UBE2R2: variants seen among roughly 807,000 people sequenced by gnomAD.
UBE2R2 encodes ubiquitin conjugating enzyme E2 R2.
In UBE2R2, 1 loss-of-function variant was observed where a neutral mutation model predicts 27.8. The ratio of observed to expected loss-of-function variants is 0.04; its 90% CI spans 0.01 to 0.17. The LOEUF (loss-of-function observed/expected upper bound fraction) is 0.17, where lower values mean the gene tolerates loss of function less well. UBE2R2 is among the 10% of genes least tolerant of loss of function. The probability of loss-of-function intolerance (pLI) is 1.00; values close to 1 mark genes in which losing one functional copy is unlikely to be tolerated. For missense variants in UBE2R2, 100 were observed against 291.0 expected, an observed-to-expected ratio of 0.34 and a Z score of 4.78; for synonymous variants, 106 against 113.3, an observed-to-expected ratio of 0.94 and a Z score of 0.41.
rs148667867 is a variant in UBE2R2 at position 33,918,923 on chromosome 9, A to T, written c.*1686A>T. 6.5e-6 allele frequency: 1 copy of T among 153,132 alleles called. No individual in the cohort carries two copies. Among genetic ancestry groups the T allele is most frequent in the African/African-American group, 2.4e-5 (1 of 41,424 alleles). The allele number at this position is 153,132 out of a possible 1,614,324, so 9.5% of individuals were successfully genotyped here. On this transcript the variant is annotated 3_prime_UTR_variant, in exon 5 of 5. Transcript: ENST00000263228. ...TTTCACTCTTCAAACTCCCAAACAC[A>T]TGACTTCTTCCCAGCAGCCCTTCCC...
At chr9:33,888,201 G>A (rs1821905239) in intron 2 of UBE2R2, among the ~76,000 whole-genome samples, 1 of 152,158 alleles carries the variant, frequency 6.6e-6, no homozygotes, top group Non-Finnish European at 1.5e-5. Flanking sequence ...AGTTACGAGT[G>A]TAGTAGTCTA....
At chr9:33,864,028 G>A (rs1587453919) in intron 1 of UBE2R2, among the ~76,000 whole-genome samples, 1 of 151,978 alleles carries the variant, frequency 6.6e-6, no homozygotes, top group East Asian at 1.9e-4. Context: ...TCACCATGTT[G>A]GCCAGGCTGG....
intron 4 of UBE2R2, 41 bp from the exon 5 acceptor site, chr9:33,916,971 TAAAAAA>T (rs1341972149): frequency 6.2e-7 from 1 of 1,601,808 alleles, no homozygotes; most frequent in South Asian, 1.1e-5. Context: ...AAATCTGTCT[TAAAAAA>T]AGACTTACCG....
intron 1 of UBE2R2, among the ~76,000 whole-genome samples, chr9:33,868,834 C>G (rs1039907338): frequency 6.6e-6 from 1 of 152,198 alleles, no homozygotes; most frequent in Admixed American, 6.5e-5. Context: ...CCAAATACAA[C>G]AGTAACCACT....
At position 33,917,329 on chromosome 9, in the gene UBE2R2, C is replaced by G; in HGVS notation, c.*92C>G. ...CCTGGCCATGGCCCCTCAGCAAAAA[C>G]CTATTCACAGCGGGTGGGGAAACAC... On this transcript the variant is annotated 3_prime_UTR_variant, in exon 5 of 5. Transcript: ENST00000263228. The G allele has an allele frequency of 1.3e-6, 2 of 1,561,126 alleles. No individual in the cohort carries two copies. The highest frequency in any genetic ancestry group is 1.8e-5 in the Admixed American group (1 of 56,240).
chr9:33,861,847 C>CTTTTTTTT (rs775634986), intron 1 of UBE2R2, among the ~76,000 whole-genome samples: 1 of 95,452 alleles, frequency 1.0e-5, no homozygotes, highest in African/African-American at 3.9e-5. Flanking sequence ...GATCCACTTT[C>CTTTTTTTT]TTTTTTTTTT....
At chr9:33,862,556 C>T (rs1186568596) in intron 1 of UBE2R2, among the ~76,000 whole-genome samples, 1 of 152,092 alleles carries the variant, frequency 6.6e-6, no homozygotes, top group South Asian at 2.1e-4. Flanking sequence ...CAAAAAAATG[C>T]TATCCTATAT....
At chr9:33,864,745 A>G (rs1270798764) in intron 1 of UBE2R2, among the ~76,000 whole-genome samples, 3 of 145,024 alleles carry the variant, frequency 2.1e-5, no homozygotes, top group African/African-American at 7.6e-5. Flanking sequence ...TTTTTTTGAG[A>G]CAGAGTTTCA....
At chr9:33,869,562 G>A (rs1399446873) in intron 1 of UBE2R2, among the ~76,000 whole-genome samples, 3 of 151,404 alleles carry the variant, frequency 2.0e-5, no homozygotes, top group Admixed American at 2.0e-4. Context: ...TGATTCTCCT[G>A]TTTCAGCCTC....
chr9:33,896,946 T>G (rs1295148494), intron 2 of UBE2R2, among the ~76,000 whole-genome samples: 1 of 120,676 alleles, frequency 8.3e-6, no homozygotes, highest in Non-Finnish European at 1.8e-5. Flanking sequence ...AAGGTTGTGT[T>G]TTTTGTGTTT....
intron 1 of UBE2R2, chr9:33,868,615 A>G (rs1587457440): frequency 6.6e-6 from 1 of 151,838 alleles, no homozygotes; most frequent in Admixed American, 6.6e-5. Flanking sequence ...CCTACACAAC[A>G]CTCCCGCCTC....
At chr9:33,832,301 T>G (rs1469002803) in intron 1 of UBE2R2, among the ~76,000 whole-genome samples, 1 of 112,806 alleles carries the variant, frequency 8.9e-6, no homozygotes, top group Non-Finnish European at 1.8e-5. Context: ...AGAGCGAAAA[T>G]CTATCTCAAA....
At chr9:33,871,467 G>A (rs1007899459) in intron 1 of UBE2R2, among the ~76,000 whole-genome samples, 2 of 152,220 alleles carry the variant, frequency 1.3e-5, no homozygotes, top group Non-Finnish European at 2.9e-5. Context: ...ATATGCTTGT[G>A]AGTGGTTCAG....
Position 33,898,527 on chromosome 9 carries a change from A to G in UBE2R2, c.265-1647A>G, listed in dbSNP as rs73490852. On this transcript the variant is annotated intron_variant, in intron 2 of 4. Coordinates refer to ENST00000263228, the MANE Select transcript of UBE2R2 (RefSeq NM_017811.4). ...TTACATATATATTCATATAGTTTCT[A>G]TGTGTCTAAATTTGGGTTGTATATG... 8.9e-3 allele frequency among the ~76,000 whole-genome samples: 1,354 copies of G among 152,170 alleles called. 22 individuals are homozygous for G. The highest frequency in any genetic ancestry group is 0.03 in the African/African-American group (1,259 of 41,526).
At chr9:33,909,420 G>A (rs1381661217) in intron 3 of UBE2R2, among the ~76,000 whole-genome samples, 2 of 152,140 alleles carry the variant, frequency 1.3e-5, no homozygotes, top group Non-Finnish European at 2.9e-5. Flanking sequence ...CCCGGGAGGC[G>A]GAGGTTGCAG....
At chr9:33,894,839 G>A (rs913284817) in intron 2 of UBE2R2, among the ~76,000 whole-genome samples, 2 of 152,164 alleles carry the variant, frequency 1.3e-5, no homozygotes, top group African/African-American at 4.8e-5. Flanking sequence ...AGAGGCTGCA[G>A]TGAGCTGAGA....
At chr9:33,880,245 AT>A (rs1286368562) in intron 1 of UBE2R2, among the ~76,000 whole-genome samples, 1 of 151,966 alleles carries the variant, frequency 6.6e-6, no homozygotes, top group East Asian at 1.9e-4. Flanking sequence ...TGAGACCTAC[AT>A]TTTTTCCAGT....
intron 1 of UBE2R2, among the ~76,000 whole-genome samples, chr9:33,876,585 G>A (rs892415441): frequency 6.6e-6 from 1 of 152,032 alleles, no homozygotes; most frequent in East Asian, 1.9e-4. Context: ...TCTTCTAGTG[G>A]TAATGTAAGC....
At chr9:33,909,682 G>T (rs1822443032) in intron 3 of UBE2R2, among the ~76,000 whole-genome samples, 1 of 152,108 alleles carries the variant, frequency 6.6e-6, no homozygotes, top group South Asian at 2.1e-4. Flanking sequence ...GCCTCCCAAA[G>T]TGCTGGCATT....
Sources: allele counts gnomAD v4.1 joint callset (sites outside exome capture counted in the v4.1 genomes callset), GRCh38; gene constraint gnomAD v4.1.1; transcripts MANE v1.5; gene names NCBI Gene and HGNC (gene_info 2026-07-23, HGNC 2026-07-21).